Variants in ASPA observed in about 807,000 individuals in gnomAD.
ASPA encodes the protein aspartoacylase.
A neutral mutation model predicts 29.6 loss-of-function variants in ASPA; 25 were observed. That is an observed-to-expected ratio of 0.85 (90% CI 0.62 to 1.18). The LOEUF (loss-of-function observed/expected upper bound fraction) is 1.18. ASPA is among the 50% of genes most tolerant of loss of function. The pLI, the probability that ASPA is intolerant of heterozygous loss-of-function variation, is 0.00. For synonymous variants in ASPA, 131 were observed against 130.3 expected, an observed-to-expected ratio of 1.01 and a Z score of -0.04; for missense variants, 333 against 385.7, an observed-to-expected ratio of 0.86 and a Z score of 1.14.
At chr17:3,491,753 A>T (rs113502052) in intron 4 of ASPA, among the ~76,000 whole-genome samples, 1 of 149,798 alleles carries the variant, frequency 6.7e-6, no homozygotes. Context: ...CTCAAAAAAA[A>T]AAAAGAAAGA....
chr17:3,487,006 TAGGAG>T (rs1166596675), intron 3 of ASPA, among the ~76,000 whole-genome samples: 7 of 152,106 alleles, frequency 4.6e-5, no homozygotes, highest in Non-Finnish European at 1.0e-4. Context: ...CTGAGAAAGT[TAGGAG>T]AGGGCTGTGT....
intron 4 of ASPA, among the ~76,000 whole-genome samples, chr17:3,493,153 T>C (rs1020354870): frequency 6.6e-6 from 1 of 152,172 alleles, no homozygotes; most frequent in Non-Finnish European, 1.5e-5. Flanking sequence ...TTTCCAAGTT[T>C]CTGGGAATTG....
At position 3,476,042 on chromosome 17, in the gene ASPA, C is replaced by G. The variant is rs1197908382; in HGVS notation, c.-118C>G. ...AAAATATACTCCACTCAAGGGAATT[C>G]TGTACTTTGCCCTTTGGGTAAAGTC... is the stretch of plus-strand genomic sequence containing the variant. On this transcript the variant is annotated 5_prime_UTR_variant, in exon 1 of 6. Coordinates refer to ENST00000263080, the MANE Select transcript of ASPA (RefSeq NM_000049.4). 5.3e-6 allele frequency: 5 copies of G among 936,904 alleles called. No homozygotes were observed. The African/African-American group carries it at 8.2e-5, about 15-fold the overall frequency. 58.0% of individuals were successfully genotyped at this position (936,904 alleles called of 1,614,324 possible). A position where few individuals can be genotyped will look rare whatever the true frequency, so the allele number is the denominator to read the frequency against.
At chr17:3,478,059 C>A (rs570070942) in intron 1 of ASPA, among the ~76,000 whole-genome samples, 11 of 152,136 alleles carry the variant, frequency 7.2e-5, no homozygotes, top group Admixed American at 3.3e-4. Context: ...GTGGCGGGCA[C>A]CTGTAGTCCC....
At position 3,499,341 on chromosome 17, in the gene ASPA, T is replaced by G; in HGVS notation, c.*253T>G. 1 of 311,026 alleles carries G rather than the reference T, an allele frequency of 3.2e-6. No homozygotes were observed. Among genetic ancestry groups the G allele is most frequent in the Non-Finnish European group, 5.8e-6 (1 of 172,592 alleles). 19.3% of individuals were successfully genotyped at this position (311,026 alleles called of 1,614,324 possible). ...TTATTATACATGATACTTGGGTAGC[T>G]CAACATTCTTAATAAACAGCCTTTG... On this transcript the variant is annotated 3_prime_UTR_variant, in exon 6 of 6. Transcript: ENST00000263080.
intron 3 of ASPA, among the ~76,000 whole-genome samples, chr17:3,487,461 T>C (rs2073744517): frequency 6.6e-6 from 1 of 152,220 alleles, no homozygotes; most frequent in Admixed American, 6.5e-5. Flanking sequence ...ATATCAGCAA[T>C]GTTTGTTCTG....
At position 3,490,751 on chromosome 17, in the gene ASPA, T is replaced by C. The variant is rs1381836374; in HGVS notation, c.634+1409T>C. Reference sequence around the variant, plus strand: ...CTACAATATATTAAGAAGTGATACATTCAGATAGAAGGCCACAAATCTGGG... The same window carrying C: ...CTACAATATATTAAGAAGTGATACACTCAGATAGAAGGCCACAAATCTGGG... On this transcript the variant is annotated intron_variant, in intron 4 of 5. Transcript: ENST00000263080. This position sits in a 1 kb window ranked among gnomAD's most constrained non-coding sequence, Gnocchi z 4.6. Among the ~76,000 whole-genome samples, 2 of 152,172 alleles carry C rather than the reference T, an allele frequency of 1.3e-5. No individual in the cohort carries two copies. Among genetic ancestry groups the C allele is most frequent in the Admixed American group, 1.3e-4 (2 of 15,274 alleles).
In ASPA at chr17:3,500,856, T is replaced by A. The variant is rs1424551286; in HGVS notation, c.*1768T>A. On this transcript the variant is annotated 3_prime_UTR_variant, in exon 6 of 6. Coordinates refer to ENST00000263080, the MANE Select transcript of ASPA (RefSeq NM_000049.4). ...TGCTAAACCTGCTGTGTCTGAGCTC[T>A]ATAAATGGAACAACAAAGCCTCGCT... The A allele has an allele frequency of 6.6e-6, 1 of 152,118 alleles. No individual in the cohort carries two copies. Among genetic ancestry groups the A allele is most frequent in the Non-Finnish European group, 1.5e-5 (1 of 68,058 alleles). The allele number at this position is 152,118 out of a possible 1,614,324, so 9.4% of individuals were successfully genotyped here.
At chr17:3,475,923 T>C (rs915809784), upstream of ASPA, 1 of 542,072 alleles carries the variant, frequency 1.8e-6, no homozygotes, top group African/African-American at 1.9e-5. Context: ...GTATCTCTAG[T>C]TGATCTTTGC....
chr17:3,491,190 C>G (rs1056499454), intron 4 of ASPA, among the ~76,000 whole-genome samples: 4 of 152,162 alleles, frequency 2.6e-5, no homozygotes, highest in Non-Finnish European at 4.4e-5. Context: ...GTTGAGAAGG[C>G]AGATCCAAGA....
At chr17:3,491,344 T>C (rs1418306211) in intron 4 of ASPA, among the ~76,000 whole-genome samples, 1 of 152,096 alleles carries the variant, frequency 6.6e-6, no homozygotes, top group East Asian at 1.9e-4. Flanking sequence ...TAAACAACAC[T>C]TGAGAACTGT....
In ASPA at chr17:3,499,216, G is replaced by T. The variant is rs1378350436; in HGVS notation, c.*128G>T. On this transcript the variant is annotated 3_prime_UTR_variant, in exon 6 of 6. Transcript: ENST00000263080. ...CCTAGCACAGTGCCTTATTCGGTAG[G>T]CATCTAAGCACATTTCTTAAATTAA... The T allele has an allele frequency of 3.6e-6, 3 of 830,818 alleles. No individual in the cohort carries two copies. The highest frequency in any genetic ancestry group is 3.5e-5 in the African/African-American group (2 of 57,578). The allele number at this position is 830,818 out of a possible 1,614,324, so 51.5% of individuals were successfully genotyped here. A position where few individuals can be genotyped will look rare whatever the true frequency, so the allele number is the denominator to read the frequency against.
Position 3,476,218 on chromosome 17 carries a change from C to T in ASPA, c.59C>T (p.Thr20Ile). 6.2e-7 allele frequency: 1 copy of T among 1,614,080 alleles called. No individual in the cohort carries two copies. The highest frequency in any genetic ancestry group is 8.5e-7 in the Non-Finnish European group (1 of 1,180,026). Residue 20 changes from threonine to isoleucine, a missense_variant, in exon 1 of 6, where the codon ACC becomes ATC. Physicochemically the swap from Thr to Ile is moderately conservative, Grantham distance 89. Transcript: ENST00000263080. Reference sequence around the variant, plus strand: ...CAAAAGGTTGCTATCTTTGGAGGAACCCATGGGAATGAGCTAACCGGAGTA... The same window carrying T: ...CAAAAGGTTGCTATCTTTGGAGGAATCCATGGGAATGAGCTAACCGGAGTA... ...HIQKVAIFGG[T>I]HGNELTGVFL...
intron 1 of ASPA, among the ~76,000 whole-genome samples, chr17:3,480,840 G>A (rs1021448187): frequency 6.6e-6 from 1 of 152,238 alleles, no homozygotes; most frequent in Non-Finnish European, 1.5e-5. Flanking sequence ...GAGATTAGAA[G>A]CAAGATGGAG....
chr17:3,483,541 C>A lies in ASPA; in HGVS notation c.475C>A (p.His159Asn). 6.2e-7 allele frequency: 1 copy of A among 1,614,120 alleles called. No individual in the cohort carries two copies. Among genetic ancestry groups the A allele is most frequent in the Non-Finnish European group, 8.5e-7 (1 of 1,180,014 alleles). Residue 159 changes from histidine (H) to asparagine (N), a missense_variant, in exon 3 of 6, where the codon CAT becomes AAT. Coordinates refer to ENST00000263080, the MANE Select transcript of ASPA (RefSeq NM_000049.4). ...ACCCTGCTACGTTTATCTGATTGAG[C>A]ATCCTTCCCTCAAATATGCGACCAC... ...PLPCYVYLIE[H>N]PSLKYATTRS...
rs1180712473 is a variant in ASPA, at chr17:3,490,346, A to G, written c.634+1004A>G. On this transcript the variant is annotated intron_variant, in intron 4 of 5. Coordinates refer to ENST00000263080, the MANE Select transcript of ASPA (RefSeq NM_000049.4). This position sits in a 1 kb window ranked among gnomAD's most constrained non-coding sequence, Gnocchi z 4.6. ...ATTTGGTAAATCTAAAACTGCACTA[A>G]AAAGTCTATTAGTTATAAAAAAAGT... Among the ~76,000 whole-genome samples, 3 of 152,220 alleles carry G rather than the reference A, an allele frequency of 2.0e-5. No individual in the cohort carries two copies. The highest frequency in any genetic ancestry group is 2.9e-5 in the Non-Finnish European group (2 of 68,034).
At chr17:3,483,033 C>A (rs1364388865) in intron 2 of ASPA, among the ~76,000 whole-genome samples, 2 of 145,230 alleles carry the variant, frequency 1.4e-5, no homozygotes, top group Non-Finnish European at 3.0e-5. Flanking sequence ...ACTTTGTTAT[C>A]CAAACCAAGA....
At chr17:3,479,729 A>G (rs2073594908) in intron 1 of ASPA, among the ~76,000 whole-genome samples, 2 of 152,188 alleles carry the variant, frequency 1.3e-5, no homozygotes, top group East Asian at 1.9e-4. Context: ...AAGTCACAAA[A>G]TAACTACTCC....
intron 3 of ASPA, among the ~76,000 whole-genome samples, chr17:3,487,451 A>G (rs1244117375): frequency 6.6e-6 from 1 of 152,328 alleles, no homozygotes; most frequent in African/African-American, 2.4e-5. Context: ...AGGGCCAAAC[A>G]TATCAGCAAT....
Sources: gnomAD v4.1 joint callset for allele counts (sites outside exome capture counted in the v4.1 genomes callset) on GRCh38, gnomAD v4.1.1 for gene constraint, Gnocchi (gnomAD v3.1) non-coding constraint, MANE v1.5 for transcripts, NCBI Gene and HGNC (gene_info 2026-07-23, HGNC 2026-07-21) for gene names.